The following DENND5A variants were observed in gnomAD, a reference collection of about 807,000 sequenced individuals.
DENND5A encodes the protein DENN domain-containing protein 5A.
A neutral mutation model predicts 140.3 loss-of-function variants in DENND5A; 64 were observed. The ratio of observed to expected loss-of-function variants is 0.46; its 90% CI spans 0.37 to 0.56. The LOEUF (loss-of-function observed/expected upper bound fraction) is 0.56. Ranked by LOEUF, DENND5A falls within the 20% of genes least tolerant of loss-of-function variation. The pLI, the probability that DENND5A is intolerant of heterozygous loss-of-function variation, is 0.00. For synonymous variants in DENND5A, 605 were observed against 607.7 expected, an observed-to-expected ratio of 1.00 and a Z score of 0.07; for missense variants, 1,292 against 1,593.8, an observed-to-expected ratio of 0.81 and a Z score of 3.22.
chr11:9,154,625 A>G (rs909564864), intron 12 of DENND5A, among the ~76,000 whole-genome samples: 2 of 152,138 alleles, frequency 1.3e-5, no homozygotes, highest in African/African-American at 4.8e-5. Flanking sequence ...TTCCTACAAA[A>G]TTCATAAACT....
At chr11:9,156,806 G>A (rs1452148367) in intron 12 of DENND5A, among the ~76,000 whole-genome samples, 5 of 150,854 alleles carry the variant, frequency 3.3e-5, no homozygotes, top group Non-Finnish European at 5.9e-5. Flanking sequence ...TCGAAGGAAA[G>A]AGAGAAGGGG....
At chr11:9,176,216 G>A (rs1848541167) in intron 8 of DENND5A, among the ~76,000 whole-genome samples, 1 of 152,176 alleles carries the variant, frequency 6.6e-6, no homozygotes. Flanking sequence ...GAAAATGCAA[G>A]ACTTTGTCTA....
At chr11:9,176,949 T>C (rs1209705251) in intron 8 of DENND5A, 4 of 455,956 alleles carry the variant, frequency 8.8e-6, no homozygotes, top group South Asian at 3.1e-5. Flanking sequence ...AAGCTTTTCC[T>C]TTCTGATAAA....
intron 5 of DENND5A, among the ~76,000 whole-genome samples, chr11:9,182,309 C>A (rs971288247): frequency 4.6e-5 from 7 of 152,262 alleles, no homozygotes; most frequent in Admixed American, 1.3e-4. Context: ...GAGTGAGACT[C>A]CCTCTCAAAA....
chr11:9,145,563 A>G, intron 17 of DENND5A, 107 bp downstream of exon 17: 1 of 1,218,292 alleles, frequency 8.2e-7, no homozygotes. Context: ...ATGCTGAAGC[A>G]TTACACTGTA....
At chr11:9,198,696 T>C (rs1381738702) in intron 4 of DENND5A, among the ~76,000 whole-genome samples, 1 of 152,090 alleles carries the variant, frequency 6.6e-6, no homozygotes, top group Non-Finnish European at 1.5e-5. Flanking sequence ...AGTGCAGATA[T>C]CTGATTTGTG....
chr11:9,157,659 G>A (rs73402319), intron 12 of DENND5A, among the ~76,000 whole-genome samples: 4,100 of 152,278 alleles, frequency 0.027, 172 homozygotes, highest in African/African-American at 0.09. Context: ...CAAAGGCCAT[G>A]ATCTAGTTCT....
At chr11:9,259,908 G>A (rs1477849555) in intron 1 of DENND5A, among the ~76,000 whole-genome samples, 1 of 151,324 alleles carries the variant, frequency 6.6e-6, no homozygotes, top group Non-Finnish European at 1.5e-5. Context: ...GCACACCTGT[G>A]GTCCCAGCTA....
chr11:9,246,585 C>A (rs905558212), intron 1 of DENND5A, among the ~76,000 whole-genome samples: 1 of 140,400 alleles, frequency 7.1e-6, no homozygotes, highest in African/African-American at 2.7e-5. Context: ...GTACTCCAGC[C>A]TAGGCCACAG....
chr11:9,198,409 G>A (rs915584796), intron 4 of DENND5A, among the ~76,000 whole-genome samples: 1 of 151,612 alleles, frequency 6.6e-6, no homozygotes, highest in Non-Finnish European at 1.5e-5. Context: ...TCAAGAAATC[G>A]AGACCATCCT....
chr11:9,258,858 C>T (rs943746176), intron 1 of DENND5A, among the ~76,000 whole-genome samples: 7 of 152,236 alleles, frequency 4.6e-5, no homozygotes, highest in Middle Eastern at 3.4e-3. Context: ...TTTTGAAGTT[C>T]GAATTTCACT....
In DENND5A at chr11:9,160,731, A is replaced by G. The variant is rs1311959332; in HGVS notation, c.2418T>C (p.His806=). The G allele has an allele frequency of 6.2e-7, 1 of 1,613,200 alleles. No individual in the cohort carries two copies. Among genetic ancestry groups the G allele is most frequent in the Non-Finnish European group, 8.5e-7 (1 of 1,179,382 alleles). Reference sequence around the variant, plus strand: ...ACATTACCTGTTTCACTTGTAGTCCATGACTCCAGATCCTTTCCAGGAGAT... The same window carrying G: ...ACATTACCTGTTTCACTTGTAGTCCGTGACTCCAGATCCTTTCCAGGAGAT... The part of the protein sequence containing the change: ...LCDLLERIWS[H]GLQVKQGKSA... The change falls in exon 12 of 23, where the codon CAT becomes CAC. Residue 806 remains histidine (H), a synonymous_variant. Transcript: ENST00000328194.
chr11:9,185,292 G>A (rs1442575370), intron 5 of DENND5A, among the ~76,000 whole-genome samples: 2 of 152,046 alleles, frequency 1.3e-5, no homozygotes, highest in Non-Finnish European at 2.9e-5. Context: ...AAGTCAGAAA[G>A]GTATTTATTA....
At chr11:9,207,181 C>A in intron 2 of DENND5A, 1 of 451,208 alleles carries the variant, frequency 2.2e-6, no homozygotes, top group Non-Finnish European at 4.1e-6. Context: ...ACCTAAAATT[C>A]AGAATAAACT....
intron 1 of DENND5A, among the ~76,000 whole-genome samples, chr11:9,214,343 A>C (rs1110176): frequency 6.6e-6 from 1 of 152,210 alleles, no homozygotes; most frequent in Non-Finnish European, 1.5e-5. Context: ...ATGGCAGGGC[A>C]CAATGTAGGA....
At chr11:9,229,181 G>A (rs1324873554) in intron 1 of DENND5A, among the ~76,000 whole-genome samples, 1 of 152,146 alleles carries the variant, frequency 6.6e-6, no homozygotes, top group Non-Finnish European at 1.5e-5. Flanking sequence ...AGGACACCCA[G>A]CTGGTAACCA....
chr11:9,218,709 A>C (rs1403501458), intron 1 of DENND5A, among the ~76,000 whole-genome samples: 2 of 151,894 alleles, frequency 1.3e-5, no homozygotes, highest in Non-Finnish European at 2.9e-5. Context: ...ACTTTGTCTC[A>C]AAAATAAATG....
chr11:9,251,503 G>A (rs1851718514), intron 1 of DENND5A, among the ~76,000 whole-genome samples: 2 of 152,096 alleles, frequency 1.3e-5, no homozygotes, highest in South Asian at 4.1e-4. Flanking sequence ...CTTACTTCCT[G>A]AGTCATATCT....
rs1173549405 is a variant in DENND5A, at chr11:9,214,685, T to A, written c.110-7053A>T. Among the ~76,000 whole-genome samples, 3 of 152,178 alleles carry A rather than the reference T, an allele frequency of 2.0e-5. No homozygotes were observed. The East Asian group carries it at 5.8e-4, about 29-fold the overall frequency. ...AGTACCCAGAATACAAGCAGTGAAC[T>A]GTCCACTGCCCCCCAACCCCCACCC... On this transcript the variant is annotated intron_variant, in intron 1 of 22. Coordinates refer to ENST00000328194, the MANE Select transcript of DENND5A (RefSeq NM_015213.4).
Sources: gnomAD v4.1 joint callset for allele counts (sites outside exome capture counted in the v4.1 genomes callset) on GRCh38, gnomAD v4.1.1 for gene constraint, MANE v1.5 for transcripts, NCBI Gene and HGNC (gene_info 2026-07-23, HGNC 2026-07-21) for gene names.